The following DNAH11 variants were observed in gnomAD, a reference collection of about 807,000 sequenced individuals.
DNAH11 encodes the protein dynein axonemal heavy chain 11.
In DNAH11, 442 loss-of-function variants were observed where a neutral mutation model predicts 526.0. The observed-to-expected ratio is 0.84, with a 90% CI of 0.78 to 0.91. The LOEUF (loss-of-function observed/expected upper bound fraction) is 0.91, where lower values mean the gene tolerates loss of function less well. Among genes scored for constraint, DNAH11 ranks in the 40% least tolerant of loss-of-function variants. DNAH11 has a pLI of 0.00. For missense variants in DNAH11, 6,989 were observed against 5,448.7 expected (o/e 1.28, Z -8.90); for synonymous variants, 2,461 against 1,935.9 (o/e 1.27, Z -7.12).
rs571892311 is a variant in DNAH11 at position 21,754,566 on chromosome 7, C to T, written c.8940+4202C>T. Among the ~76,000 whole-genome samples, 3 of 136,502 alleles carry T rather than the reference C, an allele frequency of 2.2e-5. No individual in the cohort carries two copies. The East Asian group carries it at 1.1e-3, about 50-fold the overall frequency. 89.6% of individuals were successfully genotyped at this position (136,502 alleles called of 152,430 possible). ...TTTTGAGTTAGATGTGGATAATTTCCCCCCCCACCCCATCATCACAGGACT... is the reference window on the plus strand; with the variant it reads ...TTTTGAGTTAGATGTGGATAATTTCTCCCCCCACCCCATCATCACAGGACT... On this transcript the variant is annotated intron_variant, in intron 54 of 81. Coordinates refer to ENST00000409508, the MANE Select transcript of DNAH11 (RefSeq NM_001277115.2).
chr7:21,586,900 G>A (rs73682645), intron 9 of DNAH11, among the ~76,000 whole-genome samples: 367 of 152,264 alleles, frequency 2.4e-3, no homozygotes, highest in African/African-American at 8.4e-3. Flanking sequence ...ACACACTGAA[G>A]CACAAACCCG....
At chr7:21,544,893 C>T (rs1183838152) in intron 1 of DNAH11, 113 bp from the exon 2 acceptor site, 2 of 835,736 alleles carry the variant, frequency 2.4e-6, no homozygotes, top group Non-Finnish European at 3.6e-6. Context: ...ATAGGGCAGG[C>T]AAGATGCCAG....
At chr7:21,698,246 T>C (rs1296703402) in intron 36 of DNAH11, 33 bp downstream of exon 36, 2 of 1,609,730 alleles carry the variant, frequency 1.2e-6, no homozygotes, top group Non-Finnish European at 1.7e-6. Flanking sequence ...TTCTTGTTTT[T>C]ACATACCATT....
intron 8 of DNAH11, among the ~76,000 whole-genome samples, chr7:21,573,058 T>C (rs755880839): frequency 6.6e-6 from 1 of 152,114 alleles, no homozygotes; most frequent in Non-Finnish European, 1.5e-5. Context: ...TGGGGACATT[T>C]GGATTGCAAG....
chr7:21,694,330 C>T (rs1562494082), intron 35 of DNAH11, among the ~76,000 whole-genome samples: 1 of 152,128 alleles, frequency 6.6e-6, no homozygotes, highest in Non-Finnish European at 1.5e-5. Flanking sequence ...GGTATTTGTC[C>T]TAATGATCTC....
chr7:21,647,596 A>T (rs1562726192), intron 28 of DNAH11, among the ~76,000 whole-genome samples: 1 of 151,260 alleles, frequency 6.6e-6, no homozygotes, highest in African/African-American at 2.4e-5. Flanking sequence ...CAACTGGCTA[A>T]TTTTTTTTGT....
At chr7:21,763,914 G>A (rs1461550856) in intron 54 of DNAH11, among the ~76,000 whole-genome samples, 1 of 151,628 alleles carries the variant, frequency 6.6e-6, no homozygotes, top group Non-Finnish European at 1.5e-5. Flanking sequence ...AGGACATCAT[G>A]CTAAGTGAAA....
At chr7:21,858,259 C>T (rs573214800) in intron 68 of DNAH11, among the ~76,000 whole-genome samples, 1 of 152,272 alleles carries the variant, frequency 6.6e-6, no homozygotes, top group Admixed American at 6.5e-5. Flanking sequence ...GGTACTACAG[C>T]TCTCTCACAT....
At chr7:21,569,547 T>C (rs765416159) in intron 6 of DNAH11, among the ~76,000 whole-genome samples, 11 of 152,316 alleles carry the variant, frequency 7.2e-5, no homozygotes, top group African/African-American at 1.9e-4. Flanking sequence ...TCAGCCAGTT[T>C]GTATGTCCTA....
chr7:21,619,058 T>G (rs747041316), intron 23 of DNAH11, 42 bp from the exon 24 acceptor site: 1 of 1,611,336 alleles, frequency 6.2e-7, no homozygotes. Context: ...GAACCGTTCA[T>G]ATATGTGGAA....
chr7:21,660,373 A>C (rs1007778506), intron 30 of DNAH11, among the ~76,000 whole-genome samples: 2 of 151,982 alleles, frequency 1.3e-5, no homozygotes, highest in African/African-American at 4.8e-5. Context: ...AAATCTTTCT[A>C]CATGCATATT....
chr7:21,683,835 G>A lies in DNAH11; in HGVS notation c.5512G>A (p.Glu1838Lys), dbSNP rs1357006766. Reference protein sequence around the residue: ...TWLSQLRHRWEDTQKHCFVNI... With the variant: ...TWLSQLRHRWKDTQKHCFVNI... ...GCTGTCTCAACTTCGTCACCGATGG[G>A]AGGATACCCAGAAACACTGCTTTGT... The change falls in exon 32 of 82, where the codon GAG (glutamate) becomes AAG (lysine). Residue 1838 changes from glutamate (E) to lysine (K), a missense_variant. Physicochemically the swap from Glu to Lys is moderately conservative, Grantham distance 56. Transcript: ENST00000409508. 1 of 1,613,132 alleles carries A rather than the reference G, an allele frequency of 6.2e-7. No individual in the cohort carries two copies. The highest frequency in any genetic ancestry group is 1.3e-5 in the African/African-American group (1 of 74,906).
At chr7:21,861,268 A>G (rs558986526) in intron 68 of DNAH11, among the ~76,000 whole-genome samples, 2 of 152,342 alleles carry the variant, frequency 1.3e-5, no homozygotes, top group African/African-American at 2.4e-5. Flanking sequence ...TTTGGGAGCT[A>G]TTTGTGTTAG....
intron 2 of DNAH11, among the ~76,000 whole-genome samples, chr7:21,545,965 C>A (rs546023715): frequency 6.6e-6 from 1 of 152,254 alleles, no homozygotes; most frequent in Non-Finnish European, 1.5e-5. Context: ...TAATTTAGAA[C>A]GTCCTGAATG....
chr7:21,611,756 T>C (rs887245743), intron 20 of DNAH11, among the ~76,000 whole-genome samples: 1 of 152,234 alleles, frequency 6.6e-6, no homozygotes, highest in Admixed American at 6.5e-5. Context: ...TAGTGGATGA[T>C]GTCTTTCAAT....
chr7:21,708,305 T>G (rs1784345835), intron 40 of DNAH11, among the ~76,000 whole-genome samples: 1 of 152,204 alleles, frequency 6.6e-6, no homozygotes, highest in South Asian at 2.1e-4. Context: ...CTTGGCATCA[T>G]CCTTGAGGCC....
At chr7:21,675,174 G>T (rs1440533031) in intron 30 of DNAH11, among the ~76,000 whole-genome samples, 1 of 152,150 alleles carries the variant, frequency 6.6e-6, no homozygotes, top group Non-Finnish European at 1.5e-5. Flanking sequence ...AGACCTTTCA[G>T]CACCATCTCA....
chr7:21,585,187 A>G (rs1388558765), intron 9 of DNAH11, among the ~76,000 whole-genome samples: 1 of 152,186 alleles, frequency 6.6e-6, no homozygotes, highest in East Asian at 1.9e-4. Flanking sequence ...GGGGTGTGGC[A>G]TCATCTTACA....
chr7:21,758,681 G>A (rs1009224794), intron 54 of DNAH11, among the ~76,000 whole-genome samples: 3 of 152,212 alleles, frequency 2.0e-5, no homozygotes, highest in African/African-American at 4.8e-5. Flanking sequence ...CAAAGAGTGA[G>A]TAGAAGTCTT....
Sources: allele counts gnomAD v4.1 joint callset (sites outside exome capture counted in the v4.1 genomes callset), GRCh38; gene constraint gnomAD v4.1.1; transcripts MANE v1.5; gene names NCBI Gene and HGNC (gene_info 2026-07-23, HGNC 2026-07-21).